The following CEP128 variants were observed in gnomAD, a reference collection of about 807,000 sequenced individuals.
CEP128 encodes centrosomal protein 128.
In CEP128, 132 loss-of-function variants were observed where a neutral mutation model predicts 156.7. The ratio of observed to expected loss-of-function variants is 0.84; its 90% CI spans 0.73 to 0.97. CEP128 has a LOEUF of 0.97. CEP128 is among the 50% of genes least tolerant of loss of function. CEP128 has a pLI of 0.00. For missense variants in CEP128, 1,252 were observed against 1,281.9 expected, an observed-to-expected ratio of 0.98 and a Z score of 0.36; for synonymous variants, 469 against 448.9, an observed-to-expected ratio of 1.04 and a Z score of -0.57.
intron 13 of CEP128, among the ~76,000 whole-genome samples, chr14:80,795,311 C>G (rs980134407): frequency 1.3e-5 from 2 of 152,196 alleles, no homozygotes; most frequent in African/African-American, 4.8e-5. Context: ...CCAATCTAAT[C>G]AGCTATTACA....
intron 23 of CEP128, among the ~76,000 whole-genome samples, chr14:80,512,368 G>C (rs181704943): frequency 1.8e-4 from 28 of 151,946 alleles, no homozygotes; most frequent in Non-Finnish European, 4.0e-4. Context: ...TTTTTGTTTA[G>C]AGATCTATTT....
chr14:80,832,689 G>A (rs528324810), intron 12 of CEP128, among the ~76,000 whole-genome samples: 1 of 152,308 alleles, frequency 6.6e-6, no homozygotes, highest in African/African-American at 2.4e-5. Flanking sequence ...AAAGGAGAAG[G>A]AGTTGGGGTG....
chr14:80,782,473 T>G (rs2139794411), intron 15 of CEP128, among the ~76,000 whole-genome samples: 1 of 152,322 alleles, frequency 6.6e-6, no homozygotes, highest in Non-Finnish European at 1.5e-5. Context: ...GCTCCTAGAC[T>G]AGTCTCGGTC....
rs561554108 is a variant in CEP128 at position 80,529,628 on chromosome 14, G to T, written c.2958+1181C>A. Among the ~76,000 whole-genome samples the T allele has an allele frequency of 9.2e-5, 14 of 152,150 alleles. No homozygotes were observed. The South Asian group carries it at 2.9e-3, about 32-fold the overall frequency. ...CTCTTGTCTGCCCTTCATTTACTTG[G>T]ATAATTTAGTTACAGAGAAAAAAAT... On this transcript the variant is annotated intron_variant, in intron 22 of 24. Transcript: ENST00000555265.
chr14:80,633,805 T>C (rs1894065676), intron 19 of CEP128, among the ~76,000 whole-genome samples: 2 of 152,164 alleles, frequency 1.3e-5, no homozygotes, highest in Non-Finnish European at 2.9e-5. Context: ...TGTTTCTAGT[T>C]AAAATAAATG....
chr14:80,786,208 T>G (rs1299497064), intron 14 of CEP128, among the ~76,000 whole-genome samples: 1 of 152,140 alleles, frequency 6.6e-6, no homozygotes, highest in Admixed American at 6.5e-5. Context: ...AAGATTTACA[T>G]GGAAGGACAG....
chr14:80,741,389 T>C (rs1414189788), intron 19 of CEP128, among the ~76,000 whole-genome samples: 1 of 152,172 alleles, frequency 6.6e-6, no homozygotes, highest in African/African-American at 2.4e-5. Flanking sequence ...CCCTTATAAC[T>C]GAAGAATTTC....
chr14:80,608,964 A>G (rs1367207532), intron 19 of CEP128, among the ~76,000 whole-genome samples: 1 of 152,206 alleles, frequency 6.6e-6, no homozygotes, highest in Non-Finnish European at 1.5e-5. Context: ...TGGAACCAGT[A>G]AACACTTAAT....
chr14:80,885,536 TCTGA>T (rs1172178989), intron 8 of CEP128, among the ~76,000 whole-genome samples: 2 of 151,738 alleles, frequency 1.3e-5, no homozygotes, highest in Non-Finnish European at 2.9e-5. Context: ...AGAAGAGGGG[TCTGA>T]CTGTGAGAAG....
chr14:80,942,467 G>A (rs1386463851), upstream of CEP128: 1 of 152,126 alleles, frequency 6.6e-6, no homozygotes, highest in African/African-American at 2.4e-5. Flanking sequence ...ACTGAACTTT[G>A]GAAAGCTAAA....
chr14:80,671,122 C>A (rs1272042278), intron 19 of CEP128, among the ~76,000 whole-genome samples: 1 of 152,090 alleles, frequency 6.6e-6, no homozygotes, highest in Non-Finnish European at 1.5e-5. Context: ...GTAGATCAAA[C>A]AGAGATCCAG....
chr14:80,840,080 T>C (rs1284743472), intron 10 of CEP128, among the ~76,000 whole-genome samples: 2 of 152,134 alleles, frequency 1.3e-5, no homozygotes, highest in African/African-American at 2.4e-5. Context: ...AAAGCAATAA[T>C]ACGGAGTAAA....
Position 80,895,582 on chromosome 14 carries a change from T to C in CEP128, c.645+136A>G, listed in dbSNP as rs534838759. ...AAATTCATGAACATTTTATAAGAGCTACAAGAACACACTTTTAGACAAAAT... is the reference window on the plus strand; with the variant it reads ...AAATTCATGAACATTTTATAAGAGCCACAAGAACACACTTTTAGACAAAAT... On this transcript the variant is annotated intron_variant, in intron 8 of 24. Coordinates refer to ENST00000555265, the MANE Select transcript of CEP128 (RefSeq NM_152446.5). The C allele has an allele frequency of 6.6e-5, 34 of 511,310 alleles. No homozygotes were observed. In the South Asian group the frequency reaches 1.4e-3, roughly 21 times the overall value. The allele number at this position is 511,310 out of a possible 1,614,324, so 31.7% of individuals were successfully genotyped here.
chr14:80,946,968 T>G (rs1886360431), intron 2 of CEP128, among the ~76,000 whole-genome samples: 1 of 152,034 alleles, frequency 6.6e-6, no homozygotes, highest in African/African-American at 2.4e-5. Context: ...GTGAAGCACT[T>G]CCCCCTTCAC....
chr14:80,559,146 G>T, intron 21 of CEP128, 133 bp downstream of exon 21: 1 of 781,000 alleles, frequency 1.3e-6, no homozygotes, highest in Non-Finnish European at 2.1e-6. Flanking sequence ...AGTTTAGCTT[G>T]TTTTCCCCTT....
chr14:80,806,095 T>G (rs1884160875), intron 13 of CEP128, among the ~76,000 whole-genome samples: 1 of 152,206 alleles, frequency 6.6e-6, no homozygotes, highest in Non-Finnish European at 1.5e-5. Flanking sequence ...ATTCTAATTT[T>G]GACCACATAT....
intron 23 of CEP128, among the ~76,000 whole-genome samples, chr14:80,510,409 T>G (rs1888192103): frequency 6.6e-6 from 1 of 152,102 alleles, no homozygotes; most frequent in Non-Finnish European, 1.5e-5. Flanking sequence ...TTTGATTTCT[T>G]TTTCACATCG....
Position 80,541,443 on chromosome 14 carries a change from T to TAAAAAAAA in CEP128, c.2881-10565_2881-10558dup, listed in dbSNP as rs35523389. Among the ~76,000 whole-genome samples, 549 of 109,824 alleles carry TAAAAAAAA rather than the reference T, an allele frequency of 5.0e-3. 6 individuals are homozygous for TAAAAAAAA. Among genetic ancestry groups the TAAAAAAAA allele is most frequent in the African/African-American group, 0.02 (520 of 26,138 alleles). The allele number at this position is 109,824 out of a possible 152,430, so 72.0% of individuals were successfully genotyped here. On this transcript the variant is annotated intron_variant, in intron 21 of 24. Transcript: ENST00000555265. Reference sequence around the variant, plus strand: ...CAGAAAGTGAAGCTAATGACTGTGTTAAAAAAAAAAAAAAAAAAAAAACCA... The same window carrying TAAAAAAAA: ...CAGAAAGTGAAGCTAATGACTGTGTTAAAAAAAAAAAAAAAAAAAAAAAAAAAAAACCA...
At chr14:80,949,059 A>C (rs1227191032) in intron 2 of CEP128, among the ~76,000 whole-genome samples, 1 of 152,210 alleles carries the variant, frequency 6.6e-6, no homozygotes, top group African/African-American at 2.4e-5. Flanking sequence ...GCAAAGGTGG[A>C]GTAACAGAGA....
Sources: gnomAD v4.1 joint callset for allele counts (sites outside exome capture counted in the v4.1 genomes callset) on GRCh38, gnomAD v4.1.1 for gene constraint, MANE v1.5 for transcripts, NCBI Gene and HGNC (gene_info 2026-07-23, HGNC 2026-07-21) for gene names.